The following CRYBA4 variants were observed in gnomAD, a reference collection of about 807,000 sequenced individuals.
CRYBA4 encodes crystallin beta A4, also known as beta-crystallin A4.
In CRYBA4, 30 loss-of-function variants were observed where a neutral mutation model predicts 31.7. The ratio of observed to expected loss-of-function variants is 0.95; its 90% confidence interval spans 0.71 to 1.28. CRYBA4 has a LOEUF of 1.28. Ranked by LOEUF, CRYBA4 falls within the 50% of genes most tolerant of loss-of-function variation. The pLI, the probability that CRYBA4 is intolerant of heterozygous loss-of-function variation, is 0.00. For missense variants in CRYBA4, 225 were observed against 260.7 expected (o/e 0.86, Z 0.94); for synonymous variants, 102 against 102.3 (o/e 1.00, Z 0.02).
At chr22:26,604,018 G>A in the CRYBA4 span, among the ~76,000 whole-genome samples, 17 of 152,332 alleles carry the variant, frequency 1.1e-4, no homozygotes, top group Middle Eastern at 3.4e-3. Context: ...TCATGACCCT[G>A]TATCTTGTTT....
chr22:26,629,266 G>C (rs1403486817), intron 5 of CRYBA4, among the ~76,000 whole-genome samples: 1 of 151,740 alleles, frequency 6.6e-6, no homozygotes, highest in African/African-American at 2.4e-5. Flanking sequence ...TGGGAGGTAG[G>C]GTTTTTCATC....
the CRYBA4 span, chr22:26,616,270 G>T: frequency 6.2e-7 from 1 of 1,614,012 alleles, no homozygotes; most frequent in Non-Finnish European, 8.5e-7. Context: ...GTCAGGCCCT[G>T]GGTTCACCGC....
chr22:26,598,370 T>C, the CRYBA4 span, among the ~76,000 whole-genome samples: 1 of 151,994 alleles, frequency 6.6e-6, no homozygotes, highest in East Asian at 1.9e-4. Flanking sequence ...TCTTTCTCTT[T>C]CTCGCTCTCT....
At chr22:26,618,590 G>A (rs1929439436), upstream of CRYBA4, among the ~76,000 whole-genome samples, 1 of 152,232 alleles carries the variant, frequency 6.6e-6, no homozygotes, top group African/African-American at 2.4e-5. Context: ...ATCTCGGTCA[G>A]TCCCCGGGAC....
chr22:26,602,149 G>T, the CRYBA4 span: 2 of 1,156,974 alleles, frequency 1.7e-6, no homozygotes, highest in Non-Finnish European at 2.5e-6. Context: ...ACTCTCCAGG[G>T]ACCACTGCTG....
At chr22:26,606,095 G>C in the CRYBA4 span, among the ~76,000 whole-genome samples, 4 of 152,170 alleles carry the variant, frequency 2.6e-5, no homozygotes, top group Non-Finnish European at 5.9e-5. Context: ...TTCTTCCAGC[G>C]TGGGCCAGGG....
the CRYBA4 span, among the ~76,000 whole-genome samples, chr22:26,591,072 T>C: frequency 6.6e-6 from 1 of 152,206 alleles, no homozygotes; most frequent in African/African-American, 2.4e-5. Context: ...ATATATTATC[T>C]GTTTAAAATA....
chr22:26,604,077 A>G, the CRYBA4 span, among the ~76,000 whole-genome samples: 1 of 152,220 alleles, frequency 6.6e-6, no homozygotes, highest in Non-Finnish European at 1.5e-5. Flanking sequence ...CATCTTTTCA[A>G]AAGTCATCAT....
the CRYBA4 span, among the ~76,000 whole-genome samples, chr22:26,600,590 C>T: frequency 2.6e-5 from 4 of 152,160 alleles, no homozygotes; most frequent in Non-Finnish European, 5.9e-5. Context: ...GATGATAATG[C>T]ACCCACCTCC....
chr22:26,620,076 A>G (rs1444163271), upstream of CRYBA4, among the ~76,000 whole-genome samples: 1 of 149,472 alleles, frequency 6.7e-6, no homozygotes, highest in Non-Finnish European at 1.5e-5. Flanking sequence ...CCAATTACGG[A>G]TAAGGAAACT....
At chr22:26,608,146 G>C in the CRYBA4 span, 1 of 1,376,482 alleles carries the variant, frequency 7.3e-7, no homozygotes, top group African/African-American at 1.4e-5. Context: ...GTCCAAAGGG[G>C]GCTGAACATG....
chr22:26,622,035 A>G, intron 1 of CRYBA4, 49 bp downstream of exon 1: 1 of 972,278 alleles, frequency 1.0e-6, no homozygotes, highest in Non-Finnish European at 1.2e-6. Context: ...CTGAGTGAGC[A>G]TTCTGGGAGG....
chr22:26,622,227 G>GT (rs934217674), intron 1 of CRYBA4, among the ~76,000 whole-genome samples: 21 of 152,018 alleles, frequency 1.4e-4, no homozygotes, highest in African/African-American at 5.1e-4. Flanking sequence ...TTTGAGCTAG[G>GT]TGCTGTCTTT....
chr22:26,592,425 A>G, the CRYBA4 span, among the ~76,000 whole-genome samples: 1 of 152,234 alleles, frequency 6.6e-6, no homozygotes, highest in Non-Finnish European at 1.5e-5. Context: ...AGCAGCAGAG[A>G]TTAACCTGGT....
At chr22:26,607,998 T>G in the CRYBA4 span, 50 of 1,613,972 alleles carry the variant, frequency 3.1e-5, no homozygotes, top group Non-Finnish European at 3.8e-5. Flanking sequence ...CCCGCGGAAG[T>G]TGGACTGCTC....
intron 4 of CRYBA4, among the ~76,000 whole-genome samples, chr22:26,627,476 C>CTTTCCTTT (rs1245621019): frequency 5.6e-5 from 4 of 71,480 alleles, no homozygotes; most frequent in South Asian, 1.1e-3. Context: ...TTCTTTCTTT[C>CTTTCCTTT]TCTTTCTTTC....
chr22:26,612,683 G>A, the CRYBA4 span, among the ~76,000 whole-genome samples: 95 of 152,190 alleles, frequency 6.2e-4, no homozygotes, highest in Non-Finnish European at 1.2e-3. Context: ...TAAGATCTGC[G>A]CCATCATTAG....
intron 4 of CRYBA4, among the ~76,000 whole-genome samples, chr22:26,626,853 A>G (rs1929717067): frequency 6.6e-6 from 1 of 152,184 alleles, no homozygotes; most frequent in Non-Finnish European, 1.5e-5. Context: ...TAATCTATAT[A>G]TCTTATCTAT....
chr22:26,617,391 C>G (rs879684204), upstream of CRYBA4, among the ~76,000 whole-genome samples: 6 of 152,220 alleles, frequency 3.9e-5, no homozygotes, highest in African/African-American at 7.2e-5. Context: ...CGAACACATT[C>G]TGTAAGGCGG....
Sources: allele counts gnomAD v4.1 joint callset (sites outside exome capture counted in the v4.1 genomes callset), GRCh38; gene constraint gnomAD v4.1.1; transcripts MANE v1.5; gene names NCBI Gene and HGNC (gene_info 2026-07-23, HGNC 2026-07-21).